Variants in ANLN observed in about 807,000 individuals in gnomAD.
The protein encoded by ANLN is anillin, actin binding protein, also known as anillin.
A neutral mutation model predicts 135.1 loss-of-function variants in ANLN; 59 were observed. That is an observed-to-expected ratio of 0.44 (90% CI 0.35 to 0.54). The LOEUF (loss-of-function observed/expected upper bound fraction) is 0.54. ANLN is among the 20% of genes least tolerant of loss of function. The pLI, the probability that ANLN is intolerant of heterozygous loss-of-function variation, is 0.00. For synonymous variants in ANLN, 406 were observed against 456.4 expected (o/e 0.89, Z 1.41); for missense variants, 1,182 against 1,340.0 (o/e 0.88, Z 1.84).
At chr7:36,417,674 C>CTTTTT (rs70977138) in intron 9 of ANLN, among the ~76,000 whole-genome samples, 50 of 97,274 alleles carry the variant, frequency 5.1e-4, no homozygotes, top group Admixed American at 6.0e-4. Flanking sequence ...CTCAAACTTC[C>CTTTTT]TTTTTTTTTT....
chr7:36,416,223 G>C (rs992336643), intron 8 of ANLN, among the ~76,000 whole-genome samples: 2 of 152,078 alleles, frequency 1.3e-5, no homozygotes, highest in Non-Finnish European at 2.9e-5. Context: ...GTTTCACCAT[G>C]TTGGCCAAGC....
At position 36,421,842 on chromosome 7, in the gene ANLN, C is replaced by T. The variant is rs1275377175; in HGVS notation, c.2164-15C>T. The T allele has an allele frequency of 1.9e-6, 3 of 1,585,706 alleles. No individual in the cohort carries two copies. The highest frequency in any genetic ancestry group is 1.8e-5 in the Admixed American group (1 of 54,578). On this transcript the variant is annotated splice_polypyrimidine_tract_variant and intron_variant, in intron 12 of 23. Coordinates refer to ENST00000265748, the MANE Select transcript of ANLN (RefSeq NM_018685.5). ...AAAATGTGTATATTTTTTCTCCTCTCATTGGTTTTCCTAGGAACTCAATAA... is the reference window on the plus strand; with the variant it reads ...AAAATGTGTATATTTTTTCTCCTCTTATTGGTTTTCCTAGGAACTCAATAA...
At chr7:36,418,336 A>G (rs1787732597) in intron 9 of ANLN, among the ~76,000 whole-genome samples, 1 of 152,184 alleles carries the variant, frequency 6.6e-6, no homozygotes, top group Non-Finnish European at 1.5e-5. Context: ...TGAGAAAGAT[A>G]GGAGAAGATT....
At chr7:36,423,971 G>A (rs769549037) in intron 15 of ANLN, 28 bp downstream of exon 15, 30 of 1,593,772 alleles carry the variant, frequency 1.9e-5, no homozygotes, top group Non-Finnish European at 2.5e-5. Flanking sequence ...TTGATGATTC[G>A]AATGCATTTT....
At chr7:36,447,168 C>T (rs924638972) in intron 22 of ANLN, among the ~76,000 whole-genome samples, 23 of 152,152 alleles carry the variant, frequency 1.5e-4, no homozygotes, top group African/African-American at 3.4e-4. Context: ...GATGTGACAA[C>T]GAAACTAGCA....
intron 3 of ANLN, 26 bp from the exon 4 acceptor site, chr7:36,406,155 T>G (rs1031713784): frequency 1.3e-6 from 2 of 1,566,392 alleles, no homozygotes; most frequent in Admixed American, 3.7e-5. Context: ...ACATGGTTTT[T>G]AACTCTTTTC....
In ANLN at chr7:36,443,870, A is replaced by G. The variant is rs1235216796; in HGVS notation, c.3078+8A>G. 2 of 1,576,370 alleles carry G rather than the reference A, an allele frequency of 1.3e-6. No homozygotes were observed. The highest frequency in any genetic ancestry group is 1.1e-5 in the South Asian group (1 of 87,908). ...GATGATGAGAAACGCAAGGTAATTT[A>G]TATAGTACTGTTTAGTGGTGAAAGC... On this transcript the variant is annotated splice_region_variant and intron_variant, in intron 22 of 23. Transcript: ENST00000265748.
chr7:36,444,040 A>AGCACTTTGG (rs1161559597), intron 22 of ANLN, among the ~76,000 whole-genome samples, 178 bp downstream of exon 22: 3 of 152,246 alleles, frequency 2.0e-5, no homozygotes, highest in Non-Finnish European at 4.4e-5. Context: ...CTATAATCCC[A>AGCACTTTGG]GCACTTTGGG....
chr7:36,423,858 G>A lies in ANLN; in HGVS notation c.2518G>A (p.Ala840Thr). 4 of 1,612,116 alleles carry A rather than the reference G, an allele frequency of 2.5e-6. No homozygotes were observed. Among genetic ancestry groups the A allele is most frequent in the Non-Finnish European group, 3.4e-6 (4 of 1,179,044 alleles). The part of the protein sequence containing the change: ...YYYLIILKAG[A>T]ENMVATPLAS... ...TTACTTAATTATACTAAAAGCAGGA[G>A]CTGAAAATATGGTAGCCACACCATT... Residue 840 changes from alanine to threonine, a missense_variant, in exon 15 of 24, where the codon GCT becomes ACT. Ala to Thr is a moderately conservative substitution (Grantham distance 58). Coordinates refer to ENST00000265748, the MANE Select transcript of ANLN (RefSeq NM_018685.5).
intron 8 of ANLN, among the ~76,000 whole-genome samples, chr7:36,416,781 A>C (rs950125336): frequency 2.6e-5 from 4 of 151,710 alleles, no homozygotes; most frequent in Admixed American, 2.0e-4. Flanking sequence ...AAGTTAATGC[A>C]TTTATGCCTA....
chr7:36,391,225 A>G (rs1786444490), intron 1 of ANLN, among the ~76,000 whole-genome samples: 1 of 152,210 alleles, frequency 6.6e-6, no homozygotes, highest in Admixed American at 6.5e-5. Flanking sequence ...TAGCCTTAAA[A>G]TAGGGCTGGT....
At position 36,397,160 on chromosome 7, in the gene ANLN, AAAAG is replaced by A. The variant is rs70977135; in HGVS notation, c.172+746_172+749del. Among the ~76,000 whole-genome samples the A allele has an allele frequency of 1.9e-4, 29 of 151,622 alleles. 1 individual carries two copies. In the South Asian group the frequency reaches 2.3e-3, roughly 12 times the overall value. On this transcript the variant is annotated intron_variant, in intron 2 of 23. Coordinates refer to ENST00000265748, the MANE Select transcript of ANLN (RefSeq NM_018685.5). Reference sequence around the variant, plus strand: ...GGCAAAACCAATGTTTTTTTAAAAAAAAAGAAAGCAGAGAAGTGTACATGGGGCT... The same window carrying A: ...GGCAAAACCAATGTTTTTTTAAAAAAAAAGCAGAGAAGTGTACATGGGGCT...
chr7:36,404,012 C>T (rs1464997871), intron 3 of ANLN, among the ~76,000 whole-genome samples: 6 of 151,668 alleles, frequency 4.0e-5, no homozygotes, highest in South Asian at 2.1e-4. Flanking sequence ...GCTCTGTCAC[C>T]GAGGCTGGAG....
At chr7:36,390,184 T>G (rs751876085) in intron 1 of ANLN, 140 bp downstream of exon 1, 7 of 1,440,716 alleles carry the variant, frequency 4.9e-6, no homozygotes, top group Non-Finnish European at 6.6e-6. Flanking sequence ...CGGGCCGGGG[T>G]CGCCGCGGCT....
chr7:36,433,445 C>T (rs759417143), intron 20 of ANLN, among the ~76,000 whole-genome samples: 7 of 151,664 alleles, frequency 4.6e-5, no homozygotes, highest in Admixed American at 2.6e-4. Flanking sequence ...AGAAGTCAGC[C>T]AGCCATCATT....
Position 36,422,778 on chromosome 7 carries a change from A to G in ANLN, c.2445A>G (p.Ala815=), listed in dbSNP as rs1404953594. 1.2e-6 allele frequency: 2 copies of G among 1,612,420 alleles called. No individual in the cohort carries two copies. Among genetic ancestry groups the G allele is most frequent in the African/African-American group, 1.3e-5 (1 of 74,962 alleles). ...CAGAAATCCGCTTGCCTCTAAAAGC[A>G]GATTTTGTCTGCAGTACGGTTCAGA... ...TLSEIRLPLK[A]DFVCSTVQKP... Residue 815 remains alanine (A), a synonymous_variant, in exon 14 of 24, where the codon GCA becomes GCG. Transcript: ENST00000265748.
intron 9 of ANLN, among the ~76,000 whole-genome samples, chr7:36,417,954 C>T (rs1360654489): frequency 2.0e-5 from 3 of 152,108 alleles, no homozygotes; most frequent in Admixed American, 6.5e-5. Flanking sequence ...GGATTACAGG[C>T]GTGAGCCACC....
At chr7:36,448,013 TTTTTC>T (rs1246020739) in intron 22 of ANLN, among the ~76,000 whole-genome samples, 3 of 151,952 alleles carry the variant, frequency 2.0e-5, no homozygotes, top group African/African-American at 7.3e-5. Context: ...ATGTTTCACT[TTTTTC>T]TTTTCTTTTT....
intron 20 of ANLN, among the ~76,000 whole-genome samples, chr7:36,427,999 A>G (rs17292369): frequency 0.14 from 20,770 of 152,174 alleles, 1,841 homozygotes; most frequent in Admixed American, 0.23. Context: ...CCTGGTTTCT[A>G]GTATTTACCC....
Sources: gnomAD v4.1 joint callset for allele counts (sites outside exome capture counted in the v4.1 genomes callset) on GRCh38, gnomAD v4.1.1 for gene constraint, MANE v1.5 for transcripts, NCBI Gene and HGNC (gene_info 2026-07-23, HGNC 2026-07-21) for gene names.